The following C19orf38 variants were observed in gnomAD, a reference collection of about 807,000 sequenced individuals.
C19orf38 encodes protein HIDE1.
Under a neutral mutation model 26.6 loss-of-function variants are expected in C19orf38, and 14 were observed. The observed-to-expected ratio is 0.53, with a 90% CI of 0.35 to 0.82. The LOEUF is 0.82. C19orf38 is among the 40% of genes least tolerant of loss of function. C19orf38 has a pLI of 0.01. For synonymous variants in C19orf38, 132 were observed against 128.5 expected (o/e 1.03, Z -0.18); for missense variants, 261 against 299.5 (o/e 0.87, Z 0.95).
At chr19:10,840,796 C>T (rs751729036) in intron 1 of C19orf38, among the ~76,000 whole-genome samples, 7 of 152,214 alleles carry the variant, frequency 4.6e-5, no homozygotes, top group African/African-American at 1.2e-4. Flanking sequence ...GGATTACAGG[C>T]GTAAGCCACC....
Position 10,850,278 on chromosome 19 carries a change from A to T in C19orf38, c.51A>T (p.Ala17=), listed in dbSNP as rs1206884006. The T allele has an allele frequency of 6.5e-7, 1 of 1,550,352 alleles. No individual in the cohort carries two copies. The highest frequency in any genetic ancestry group is 2.0e-5 in the Admixed American group (1 of 50,938). Residue 17 remains alanine (A), a synonymous_variant, in exon 2 of 7, where the codon GCA becomes GCT. Coordinates refer to ENST00000397820, the MANE Select transcript of C19orf38 (RefSeq NM_001136482.3). ...LFAAGSLAIP[A]PSIRLVPPYP... The stretch of plus-strand genomic sequence containing the variant: ...TTGCAGGCTCCTTGGCGATCCCAGC[A>T]CCATCCATCCGGCTGGTGCCCCCGT...
At chr19:10,851,944 C>A (rs1469780801) in intron 2 of C19orf38, among the ~76,000 whole-genome samples, 4 of 144,626 alleles carry the variant, frequency 2.8e-5, no homozygotes, top group Non-Finnish European at 4.5e-5. Flanking sequence ...GTCCGCAGTC[C>A]GGCCTGGGCG....
intron 2 of C19orf38, among the ~76,000 whole-genome samples, chr19:10,854,344 A>G (rs2076633152): frequency 6.6e-6 from 1 of 152,096 alleles, no homozygotes. Flanking sequence ...GATTACAGCC[A>G]TGAGCCACCG....
chr19:10,864,725 G>C (rs192615123), intron 6 of C19orf38, among the ~76,000 whole-genome samples: 4 of 152,132 alleles, frequency 2.6e-5, no homozygotes, highest in Non-Finnish European at 5.9e-5. Context: ...AGTGGAGTTC[G>C]AAGAAGTGAT....
At position 10,841,833 on chromosome 19, in the gene C19orf38, C is replaced by T. The variant is rs1216261314; in HGVS notation, c.-69+5063C>T. On this transcript the variant is annotated intron_variant, in intron 1 of 7. Transcript: ENST00000592854. Reference sequence around the variant, plus strand: ...ACAAAAACATTTTTTAAAAAATTAGCTGGGCATGGGAACAATCCCATTTCC... The same window carrying T: ...ACAAAAACATTTTTTAAAAAATTAGTTGGGCATGGGAACAATCCCATTTCC... 9 of 1,344,346 alleles carry T rather than the reference C, an allele frequency of 6.7e-6. No individual in the cohort carries two copies. In the East Asian group the frequency reaches 2.1e-4, roughly 31 times the overall value. 83.3% of individuals were successfully genotyped at this position (1,344,346 alleles called of 1,614,324 possible).
upstream of C19orf38, among the ~76,000 whole-genome samples, chr19:10,845,709 C>T (rs1347661312): frequency 1.3e-5 from 2 of 151,392 alleles, no homozygotes; most frequent in Admixed American, 6.6e-5. Context: ...GAAACCCCAT[C>T]TCCACTAAAA....
intron 3 of C19orf38, among the ~76,000 whole-genome samples, chr19:10,857,897 A>G (rs568434399): frequency 2.3e-4 from 12 of 52,412 alleles, no homozygotes; most frequent in Non-Finnish European, 4.5e-4. Flanking sequence ...CAACAAAAAA[A>G]GAAAGAAAGA....
chr19:10,851,156 C>T (rs568068912), intron 2 of C19orf38, among the ~76,000 whole-genome samples: 9 of 152,212 alleles, frequency 5.9e-5, no homozygotes, highest in Admixed American at 1.3e-4. Flanking sequence ...CTGGTTCAAG[C>T]GATTCTTCTG....
chr19:10,853,790 G>A (rs1248301020), intron 2 of C19orf38, among the ~76,000 whole-genome samples: 2 of 150,550 alleles, frequency 1.3e-5, no homozygotes, highest in East Asian at 3.9e-4. Flanking sequence ...GTAAGAAGGG[G>A]TTTCACAGTG....
At chr19:10,851,621 G>A (rs2073573365) in intron 2 of C19orf38, among the ~76,000 whole-genome samples, 1 of 152,060 alleles carries the variant, frequency 6.6e-6, no homozygotes, top group African/African-American at 2.4e-5. Context: ...ATCACCTGAG[G>A]TCAGAGCTTA....
intron 6 of C19orf38, among the ~76,000 whole-genome samples, chr19:10,866,263 C>T (rs911042243): frequency 2.0e-5 from 3 of 150,062 alleles, no homozygotes; most frequent in Non-Finnish European, 4.4e-5. Context: ...TGCAGTGGTG[C>T]CATCTTGGCT....
chr19:10,869,606 A>G lies in C19orf38; in HGVS notation c.*239A>G. On this transcript the variant is annotated 3_prime_UTR_variant, in exon 7 of 7. Transcript: ENST00000397820. ...CGACCTTCGGCTCCTCAGGACCACC[A>G]GAGAAGGAGATGTCAGGACCCCTTC... is the stretch of plus-strand genomic sequence containing the variant. 1.9e-6 allele frequency: 1 copy of G among 532,818 alleles called. No individual in the cohort carries two copies. The highest frequency in any genetic ancestry group is 3.0e-5 in the South Asian group (1 of 32,966). The allele number at this position is 532,818 out of a possible 1,614,324, so 33.0% of individuals were successfully genotyped here.
chr19:10,852,912 T>A (rs1408242010), intron 2 of C19orf38, among the ~76,000 whole-genome samples: 4 of 151,786 alleles, frequency 2.6e-5, no homozygotes, highest in African/African-American at 9.7e-5. Flanking sequence ...TGTGTTACCA[T>A]CAGTCAGAAC....
At chr19:10,844,223 G>T (rs182160957), upstream of C19orf38, among the ~76,000 whole-genome samples, 136 of 146,680 alleles carry the variant, frequency 9.3e-4, 1 homozygote, top group East Asian at 0.027. Context: ...TGACCAACAT[G>T]GTGAAACCCT....
At chr19:10,859,276 G>GTA (rs1568337391) in intron 4 of C19orf38, among the ~76,000 whole-genome samples, 5 of 127,758 alleles carry the variant, frequency 3.9e-5, no homozygotes, top group Admixed American at 2.4e-4. Context: ...GTGTGTGTGT[G>GTA]TGTATGTGTG....
At position 10,857,366 on chromosome 19, in the gene C19orf38, A is replaced by ATATTTTTTTT. The variant is rs1433358051; in HGVS notation, c.434-949_434-948insATTTTTTTTT. 3.9e-4 allele frequency among the ~76,000 whole-genome samples: 22 copies of ATATTTTTTTT among 56,080 alleles called. 1 individual carries two copies. Among genetic ancestry groups the ATATTTTTTTT allele is most frequent in the African/African-American group, 3.3e-3 (19 of 5,820 alleles). The allele number at this position is 56,080 out of a possible 152,430, so 36.8% of individuals were successfully genotyped here. On this transcript the variant is annotated intron_variant, in intron 3 of 6. Transcript: ENST00000397820. ...TATATATATATATATATATATATAT[A>ATATTTTTTTT]TTTTTTTTTTTTTTTTTTTAAGATG...
chr19:10,859,096 C>A (rs2073661819), intron 4 of C19orf38, among the ~76,000 whole-genome samples: 1 of 151,270 alleles, frequency 6.6e-6, no homozygotes, highest in Non-Finnish European at 1.5e-5. Context: ...TGCCACCACA[C>A]CCGGCTAATT....
chr19:10,841,851 C>A, intron 1 of C19orf38: 1 of 1,457,260 alleles, frequency 6.9e-7, no homozygotes. Flanking sequence ...GGGAACAATC[C>A]CATTTCCTGA....
At position 10,850,548 on chromosome 19, in the gene C19orf38, C is replaced by T. The variant is rs142430931; in HGVS notation, c.321C>T (p.Pro107=). Residue 107 remains proline, a synonymous_variant, in exon 2 of 7, where the codon CCC becomes CCT. Coordinates refer to ENST00000397820, the MANE Select transcript of C19orf38 (RefSeq NM_001136482.3). ...NQSQLSDLSE[P]VNVSFPVPTW... The stretch of plus-strand genomic sequence containing the variant: ...CCCAGCTGTCAGACCTCAGCGAGCC[C>T]GTGAACGTCTCCTTCCCAGGTAAGG... 3.8e-4 allele frequency: 582 copies of T among 1,551,538 alleles called. 3 individuals are homozygous for T. The African/African-American group carries it at 7.1e-3, about 19-fold the overall frequency.
Sources: gnomAD v4.1 joint callset for allele counts (sites outside exome capture counted in the v4.1 genomes callset) on GRCh38, gnomAD v4.1.1 for gene constraint, MANE v1.5 for transcripts, NCBI Gene and HGNC (gene_info 2026-07-23, HGNC 2026-07-21) for gene names.